The following POU6F2 variants were observed in gnomAD, a reference collection of about 807,000 sequenced individuals.
POU6F2 encodes POU domain, class 6, transcription factor 2.
A neutral mutation model predicts 71.3 loss-of-function variants in POU6F2; 31 were observed. That is an observed-to-expected ratio of 0.43 (90% CI 0.33 to 0.59). The LOEUF is 0.59. Ranked by LOEUF, POU6F2 falls within the 20% of genes least tolerant of loss-of-function variation. The probability of loss-of-function intolerance (pLI) is 0.04; values close to 1 mark genes in which losing one functional copy is unlikely to be tolerated. For synonymous variants in POU6F2, 347 were observed against 355.7 expected (o/e 0.98, Z 0.27); for missense variants, 783 against 856.8 (o/e 0.91, Z 1.07).
intron 1 of POU6F2, 73 bp downstream of exon 1, chr7:38,978,131 T>A (rs1027331466): frequency 5.9e-5 from 9 of 152,214 alleles, no homozygotes; most frequent in Non-Finnish European, 1.5e-5. Context: ...ATAATTCATA[T>A]TTACAGTACC....
intron 2 of POU6F2, among the ~76,000 whole-genome samples, chr7:39,106,235 A>G (rs1185060482): frequency 6.6e-6 from 1 of 152,204 alleles, no homozygotes; most frequent in Non-Finnish European, 1.5e-5. Context: ...GCAGATATTT[A>G]CCAGGATCTG....
intron 4 of POU6F2, among the ~76,000 whole-genome samples, chr7:39,256,513 T>C (rs1204089266): frequency 6.6e-6 from 1 of 152,170 alleles, no homozygotes; most frequent in African/African-American, 2.4e-5. Context: ...AAGATGTCTA[T>C]GTCCTAACCT....
At chr7:39,006,218 C>G (rs571855007) in intron 1 of POU6F2, among the ~76,000 whole-genome samples, 20 of 152,228 alleles carry the variant, frequency 1.3e-4, no homozygotes, top group Non-Finnish European at 2.6e-4. Flanking sequence ...AATCCCAGCA[C>G]TTTGGGAGGC....
At chr7:39,093,698 A>G (rs1791398895) in intron 2 of POU6F2, among the ~76,000 whole-genome samples, 1 of 152,180 alleles carries the variant, frequency 6.6e-6, no homozygotes, top group Admixed American at 6.5e-5. Flanking sequence ...GTGAAAGCCA[A>G]GAAATTCATA....
At chr7:39,173,021 C>A (rs181284101) in intron 2 of POU6F2, among the ~76,000 whole-genome samples, 1 of 151,920 alleles carries the variant, frequency 6.6e-6, no homozygotes, top group Non-Finnish European at 1.5e-5. Context: ...TTTAAATGTT[C>A]TAGTAGCCAT....
chr7:39,339,531 C>G, intron 4 of POU6F2, 111 bp from the exon 5 acceptor site: 1 of 1,396,916 alleles, frequency 7.2e-7, no homozygotes. Flanking sequence ...GGGGCAAGGA[C>G]AAGAATTTTC....
intron 1 of POU6F2, among the ~76,000 whole-genome samples, chr7:39,007,872 C>A (rs1045251388): frequency 5.9e-5 from 9 of 151,668 alleles, no homozygotes; most frequent in African/African-American, 1.9e-4. Flanking sequence ...TTTTTTATGG[C>A]TGCATAGTAT....
intron 4 of POU6F2, among the ~76,000 whole-genome samples, chr7:39,228,979 C>T (rs1794522746): frequency 6.6e-6 from 1 of 152,304 alleles, no homozygotes; most frequent in African/African-American, 2.4e-5. Flanking sequence ...CTCCTGGCCC[C>T]ATTTTTTCCT....
chr7:39,033,376 C>A (rs1360320210), intron 1 of POU6F2, among the ~76,000 whole-genome samples: 1 of 152,126 alleles, frequency 6.6e-6, no homozygotes, highest in Non-Finnish European at 1.5e-5. Context: ...TGGCACATAC[C>A]ATAAATCAAC....
At chr7:39,000,774 G>T (rs1389825716) in intron 1 of POU6F2, among the ~76,000 whole-genome samples, 1 of 152,060 alleles carries the variant, frequency 6.6e-6, no homozygotes, top group Non-Finnish European at 1.5e-5. Flanking sequence ...TGTCCTTTTT[G>T]TATCTTCTCT....
intron 4 of POU6F2, among the ~76,000 whole-genome samples, chr7:39,209,164 TCCA>T (rs1794090326): frequency 6.6e-6 from 1 of 152,344 alleles, no homozygotes; most frequent in East Asian, 1.9e-4. Context: ...GTGGACTTCT[TCCA>T]CCAAGATTTT....
intron 1 of POU6F2, among the ~76,000 whole-genome samples, chr7:39,009,573 G>C (rs1429820274): frequency 5.3e-5 from 8 of 152,082 alleles, no homozygotes; most frequent in Non-Finnish European, 1.2e-4. Flanking sequence ...AATAGGAGTG[G>C]TGAGAGAGGG....
chr7:39,241,114 T>C (rs1783719444), intron 4 of POU6F2, among the ~76,000 whole-genome samples: 1 of 152,132 alleles, frequency 6.6e-6, no homozygotes, highest in Admixed American at 6.6e-5. Flanking sequence ...CACTTCTTAT[T>C]GGCTGGAATT....
chr7:39,022,074 TTG>T (rs1789690090), intron 1 of POU6F2, among the ~76,000 whole-genome samples: 2 of 152,126 alleles, frequency 1.3e-5, no homozygotes, highest in South Asian at 4.1e-4. Context: ...ATACAGAGAC[TTG>T]TGACTTTCTT....
chr7:39,192,195 G>A (rs1793683586), intron 2 of POU6F2, among the ~76,000 whole-genome samples: 1 of 152,150 alleles, frequency 6.6e-6, no homozygotes. Context: ...TTCCTCTGGG[G>A]GTAGGTATTT....
chr7:39,397,984 A>G lies in POU6F2; in HGVS notation c.973-8616A>G, dbSNP rs1456926926. Among the ~76,000 whole-genome samples, 6 of 151,702 alleles carry G rather than the reference A, an allele frequency of 4.0e-5. No individual in the cohort carries two copies. The South Asian group carries it at 6.2e-4, about 16-fold the overall frequency. On this transcript the variant is annotated intron_variant, in intron 5 of 9. Transcript: ENST00000518318. The stretch of plus-strand genomic sequence containing the variant: ...CAGGCATGTGCCACCATGCCCAGCT[A>G]ATTTCTTTTGTATTTTAGCAGAGTT...
chr7:39,256,377 TG>T (rs1562765573), intron 4 of POU6F2, among the ~76,000 whole-genome samples: 1 of 151,936 alleles, frequency 6.6e-6, no homozygotes, highest in East Asian at 1.9e-4. Flanking sequence ...CCCATCAGGC[TG>T]GGGGAAAAAG....
chr7:39,457,087 G>A (rs1234457724), intron 8 of POU6F2, among the ~76,000 whole-genome samples: 1 of 152,188 alleles, frequency 6.6e-6, no homozygotes, highest in Non-Finnish European at 1.5e-5. Flanking sequence ...CAGCCTGCAC[G>A]ATCACACATA....
At chr7:39,150,225 C>CTCTG (rs1554325538) in intron 2 of POU6F2, among the ~76,000 whole-genome samples, 10 of 141,160 alleles carry the variant, frequency 7.1e-5, no homozygotes, top group Non-Finnish European at 1.1e-4. Context: ...AGTAATATGT[C>CTCTG]TGTGTGTGTG....
Sources: gnomAD v4.1 joint callset for allele counts (sites outside exome capture counted in the v4.1 genomes callset) on GRCh38, gnomAD v4.1.1 for gene constraint, MANE v1.5 for transcripts, NCBI Gene and HGNC (gene_info 2026-07-23, HGNC 2026-07-21) for gene names.